The following PREX2 variants were observed in gnomAD, a reference collection of about 807,000 sequenced individuals.
The protein encoded by PREX2 is phosphatidylinositol-3,4,5-trisphosphate dependent Rac exchange factor 2.
Under a neutral mutation model 203.2 loss-of-function variants are expected in PREX2, and 107 were observed. The ratio of observed to expected loss-of-function variants is 0.53; its 90% confidence interval spans 0.45 to 0.62. The LOEUF is 0.62. Ranked by LOEUF, PREX2 falls within the 20% of genes least tolerant of loss-of-function variation. The pLI, the probability that PREX2 is intolerant of heterozygous loss-of-function variation, is 0.00. For synonymous variants in PREX2, 672 were observed against 663.6 expected, an observed-to-expected ratio of 1.01 and a Z score of -0.19; for missense variants, 1,777 against 1,955.9, an observed-to-expected ratio of 0.91 and a Z score of 1.72.
In PREX2 at chr8:68,163,073, G is replaced by A. The variant is rs534610778; in HGVS notation, c.4346+5637G>A. ...TACTAAAATCGTGTGAATTTGAAAA[G>A]CATTTGGTCTAGTTATTTAATTTAT... On this transcript the variant is annotated intron_variant, in intron 35 of 39. Coordinates refer to ENST00000288368, the MANE Select transcript of PREX2 (RefSeq NM_024870.4). Among the ~76,000 whole-genome samples the A allele has an allele frequency of 5.9e-5, 9 of 152,188 alleles. No homozygotes were observed. In the East Asian group the frequency reaches 1.3e-3, roughly 23 times the overall value.
At chr8:67,978,484 A>G (rs1806173346) in intron 1 of PREX2, among the ~76,000 whole-genome samples, 1 of 152,208 alleles carries the variant, frequency 6.6e-6, no homozygotes, top group Non-Finnish European at 1.5e-5. Flanking sequence ...AATCCATTAT[A>G]TACTCTTTTC....
At chr8:68,101,058 G>T (rs1026471914) in intron 23 of PREX2, among the ~76,000 whole-genome samples, 2 of 152,108 alleles carry the variant, frequency 1.3e-5, no homozygotes, top group South Asian at 4.1e-4. Context: ...ACCAATAGAA[G>T]ACTAATTGAT....
intron 33 of PREX2, among the ~76,000 whole-genome samples, chr8:68,141,635 A>G (rs1341914573): frequency 1.3e-5 from 2 of 152,184 alleles, no homozygotes. Context: ...TCTGAAGCAT[A>G]AGAAAGACCC....
chr8:68,189,829 A>G (rs1171502225), intron 35 of PREX2, among the ~76,000 whole-genome samples: 2 of 152,202 alleles, frequency 1.3e-5, no homozygotes, highest in African/African-American at 4.8e-5. Flanking sequence ...GTAACAGCCA[A>G]TCTTGGATGC....
At chr8:67,974,976 A>G (rs1806032376) in intron 1 of PREX2, among the ~76,000 whole-genome samples, 1 of 152,150 alleles carries the variant, frequency 6.6e-6, no homozygotes, top group Non-Finnish European at 1.5e-5. Flanking sequence ...TCCGGAATCC[A>G]TCCTTGCTGT....
chr8:68,144,503 T>C (rs1303018823), intron 33 of PREX2, among the ~76,000 whole-genome samples: 2 of 152,216 alleles, frequency 1.3e-5, no homozygotes, highest in African/African-American at 4.8e-5. Flanking sequence ...ACTGCTGGTA[T>C]ATAAGAAAGG....
In PREX2 at chr8:68,231,422, T is replaced by G. The variant is rs1460527920; in HGVS notation, c.*44T>G. 1.3e-6 allele frequency: 2 copies of G among 1,534,936 alleles called. No homozygotes were observed. On this transcript the variant is annotated 3_prime_UTR_variant, in exon 40 of 40. Transcript: ENST00000288368. ...CAGGCAGGCAGAAGCTCCTGAATGC[T>G]GGACTAGACAAACTACATGCTGGCT...
At chr8:67,976,819 C>CAG (rs1271918370) in intron 1 of PREX2, among the ~76,000 whole-genome samples, 1 of 126,210 alleles carries the variant, frequency 7.9e-6, no homozygotes, top group East Asian at 3.3e-4. Flanking sequence ...GAGAGTGAGA[C>CAG]AGAGAGAGAG....
chr8:68,102,065 G>A (rs916950404), intron 23 of PREX2, among the ~76,000 whole-genome samples: 2 of 152,112 alleles, frequency 1.3e-5, no homozygotes, highest in South Asian at 2.1e-4. Context: ...CTTTTAAGGC[G>A]CAGATGGGCA....
chr8:68,010,557 G>T (rs547014746), intron 1 of PREX2, among the ~76,000 whole-genome samples: 2 of 152,300 alleles, frequency 1.3e-5, no homozygotes, highest in East Asian at 1.9e-4. Flanking sequence ...GGCCTTATTT[G>T]TGTGCTAGCA....
intron 1 of PREX2, among the ~76,000 whole-genome samples, chr8:67,970,081 A>C (rs1034998639): frequency 6.6e-6 from 1 of 152,170 alleles, no homozygotes; most frequent in African/African-American, 2.4e-5. Context: ...AGTATGGGAA[A>C]TAGTAAGAGG....
At chr8:68,000,253 T>A (rs10957409) in intron 1 of PREX2, among the ~76,000 whole-genome samples, 110,713 of 152,100 alleles carry the variant, frequency 0.73, 40,340 homozygotes, top group South Asian at 0.83. Context: ...GCAAAGTCTC[T>A]GAATACAAAA....
At chr8:67,972,309 C>A (rs1361781777) in intron 1 of PREX2, among the ~76,000 whole-genome samples, 1 of 152,186 alleles carries the variant, frequency 6.6e-6, no homozygotes, top group Non-Finnish European at 1.5e-5. Context: ...ACTTTGATTT[C>A]TTCCTGTTTA....
chr8:68,019,399 G>A, intron 2 of PREX2, 150 bp from the exon 3 acceptor site: 1 of 572,122 alleles, frequency 1.7e-6, no homozygotes. Flanking sequence ...GGCGTGAAGG[G>A]GAAGTCCAGA....
intron 38 of PREX2, among the ~76,000 whole-genome samples, chr8:68,218,836 G>T (rs1395263387): frequency 1.3e-5 from 2 of 152,202 alleles, no homozygotes; most frequent in Admixed American, 1.3e-4. Flanking sequence ...CAAGATCTTA[G>T]AAGGTCCAAG....
At chr8:68,229,487 A>G (rs7005736) in intron 39 of PREX2, among the ~76,000 whole-genome samples, 39,868 of 152,142 alleles carry the variant, frequency 0.26, 5,891 homozygotes, top group South Asian at 0.46. Context: ...AATTTCCATT[A>G]CAAATGTGTT....
chr8:68,127,237 T>A, intron 30 of PREX2, 141 bp from the exon 31 acceptor site: 1 of 570,250 alleles, frequency 1.8e-6, no homozygotes, highest in Middle Eastern at 3.9e-4. Context: ...TTGCCATCCA[T>A]TGAAAGTAAT....
chr8:68,164,112 G>A (rs1303825903), intron 35 of PREX2, among the ~76,000 whole-genome samples: 1 of 152,064 alleles, frequency 6.6e-6, no homozygotes, highest in East Asian at 1.9e-4. Context: ...CTTTTTCTGT[G>A]TTTCTTAAAC....
At chr8:68,069,181 G>T (rs773243045) in intron 12 of PREX2, 45 bp downstream of exon 12, 1 of 901,958 alleles carries the variant, frequency 1.1e-6, no homozygotes, top group South Asian at 1.6e-5. Flanking sequence ...AATGCATGTT[G>T]TCATTCTTCA....
Sources: allele counts gnomAD v4.1 joint callset (sites outside exome capture counted in the v4.1 genomes callset), GRCh38; gene constraint gnomAD v4.1.1; transcripts MANE v1.5; gene names NCBI Gene and HGNC (gene_info 2026-07-23, HGNC 2026-07-21).